Variants in NDST4 observed in about 807,000 individuals in gnomAD.
NDST4 encodes N-deacetylase and N-sulfotransferase 4.
In NDST4, 63 loss-of-function variants were observed where a neutral mutation model predicts 100.8. That is an observed-to-expected ratio of 0.62 (90% CI 0.51 to 0.77). The LOEUF (loss-of-function observed/expected upper bound fraction) is 0.77, where lower values mean the gene tolerates loss of function less well. NDST4 is among the 30% of genes least tolerant of loss of function. The pLI is 0.00. For synonymous variants in NDST4, 377 were observed against 361.8 expected (o/e 1.04, Z -0.48); for missense variants, 943 against 1,018.4 (o/e 0.93, Z 1.01).
intron 2 of NDST4, among the ~76,000 whole-genome samples, chr4:114,980,479 TA>T (rs1481407785): frequency 2.0e-5 from 3 of 151,126 alleles, no homozygotes; most frequent in Non-Finnish European, 4.4e-5. Context: ...CCTTCTCTAC[TA>T]ATAATACAAA....
intron 2 of NDST4, among the ~76,000 whole-genome samples, chr4:115,048,420 C>T (rs1728510339): frequency 6.6e-6 from 1 of 152,196 alleles, no homozygotes; most frequent in South Asian, 2.1e-4. Context: ...CCTTATTCAG[C>T]CTCTTCAAGA....
At chr4:114,848,677 T>G (rs1723609385) in intron 8 of NDST4, among the ~76,000 whole-genome samples, 1 of 152,246 alleles carries the variant, frequency 6.6e-6, no homozygotes. Flanking sequence ...CAAGGGTCCT[T>G]CTGGCTCCAT....
At chr4:114,888,710 C>T (rs1172835126) in intron 6 of NDST4, among the ~76,000 whole-genome samples, 3 of 152,082 alleles carry the variant, frequency 2.0e-5, no homozygotes, top group East Asian at 1.9e-4. Context: ...ATACTTGATA[C>T]AAATTTTATC....
chr4:115,018,111 A>G (rs1427752236), intron 2 of NDST4, among the ~76,000 whole-genome samples: 1 of 151,974 alleles, frequency 6.6e-6, no homozygotes, highest in South Asian at 2.1e-4. Flanking sequence ...TGTACCACTA[A>G]AGGCTACTGC....
chr4:115,112,295 C>T (rs959458125), intron 1 of NDST4, among the ~76,000 whole-genome samples: 1 of 151,356 alleles, frequency 6.6e-6, no homozygotes, highest in Non-Finnish European at 1.5e-5. Flanking sequence ...TCATCTTTAT[C>T]AATTTCCTCT....
At chr4:114,984,120 T>C (rs1726843805) in intron 2 of NDST4, among the ~76,000 whole-genome samples, 2 of 152,152 alleles carry the variant, frequency 1.3e-5, no homozygotes, top group South Asian at 2.1e-4. Context: ...TATGTCTTTA[T>C]AGCAGTGTGA....
chr4:114,941,502 T>A (rs1316338970), intron 4 of NDST4, among the ~76,000 whole-genome samples: 4 of 152,202 alleles, frequency 2.6e-5, no homozygotes, highest in African/African-American at 9.7e-5. Context: ...TCATTTTTTT[T>A]ATGAAAATGA....
intron 2 of NDST4, among the ~76,000 whole-genome samples, chr4:115,051,630 T>C (rs1046949131): frequency 6.6e-6 from 1 of 152,182 alleles, no homozygotes; most frequent in Non-Finnish European, 1.5e-5. Context: ...CTTCACTGTG[T>C]ATATGTAGCA....
At chr4:115,070,816 G>A (rs1169749632) in intron 2 of NDST4, among the ~76,000 whole-genome samples, 5 of 152,156 alleles carry the variant, frequency 3.3e-5, no homozygotes, top group African/African-American at 7.2e-5. Flanking sequence ...CAAAAAACTC[G>A]TATTCTGGCC....
At chr4:115,078,156 GA>G (rs555005330) in intron 1 of NDST4, among the ~76,000 whole-genome samples, 5 of 152,152 alleles carry the variant, frequency 3.3e-5, no homozygotes, top group African/African-American at 1.2e-4. Context: ...AATTTATAAA[GA>G]AAAAAAGGAT....
intron 2 of NDST4, among the ~76,000 whole-genome samples, chr4:115,066,180 T>C (rs778897028): frequency 3.9e-5 from 6 of 152,206 alleles, no homozygotes; most frequent in Admixed American, 6.5e-5. Flanking sequence ...TACATATTTG[T>C]ATGAACTCTA....
chr4:115,071,168 C>A (rs895438420), intron 2 of NDST4, among the ~76,000 whole-genome samples: 7 of 151,708 alleles, frequency 4.6e-5, no homozygotes, highest in Admixed American at 4.0e-4. Context: ...AACTCGTATT[C>A]TTTTCAATAC....
chr4:115,005,423 G>A (rs1727391380), intron 2 of NDST4, among the ~76,000 whole-genome samples: 3 of 152,176 alleles, frequency 2.0e-5, no homozygotes, highest in Admixed American at 2.0e-4. Context: ...GAGATAGTGA[G>A]CCATAGGCAT....
intron 2 of NDST4, among the ~76,000 whole-genome samples, chr4:115,007,410 C>A (rs1036814192): frequency 1.3e-5 from 2 of 152,086 alleles, no homozygotes; most frequent in South Asian, 2.1e-4. Flanking sequence ...ACAGGCTATA[C>A]GCAATTGAAA....
chr4:115,047,158 C>T (rs1728479501), intron 2 of NDST4, among the ~76,000 whole-genome samples: 1 of 152,006 alleles, frequency 6.6e-6, no homozygotes, highest in African/African-American at 2.4e-5. Context: ...TATATCACAA[C>T]ATTATCCAGA....
intron 2 of NDST4, among the ~76,000 whole-genome samples, chr4:114,998,673 T>G (rs1727217220): frequency 6.6e-6 from 1 of 152,076 alleles, no homozygotes; most frequent in African/African-American, 2.4e-5. Context: ...CTGACTATAG[T>G]TTTGCAATTA....
At chr4:114,938,541 A>G (rs1725681930) in intron 4 of NDST4, among the ~76,000 whole-genome samples, 1 of 152,210 alleles carries the variant, frequency 6.6e-6, no homozygotes, top group African/African-American at 2.4e-5. Flanking sequence ...TGAGGTTATA[A>G]ATGACAATGC....
intron 2 of NDST4, among the ~76,000 whole-genome samples, chr4:114,982,328 A>G (rs1726795866): frequency 1.3e-5 from 2 of 152,200 alleles, no homozygotes; most frequent in Non-Finnish European, 2.9e-5. Context: ...TGGACAATGA[A>G]GCCCAGGCTG....
intron 2 of NDST4, among the ~76,000 whole-genome samples, chr4:115,044,060 T>C (rs956695052): frequency 6.6e-6 from 1 of 152,242 alleles, no homozygotes; most frequent in South Asian, 2.1e-4. Context: ...ATGCATCCTG[T>C]TTAAAACCTA....
Sources: allele counts gnomAD v4.1 joint callset (sites outside exome capture counted in the v4.1 genomes callset), GRCh38; gene constraint gnomAD v4.1.1; transcripts MANE v1.5; gene names NCBI Gene and HGNC (gene_info 2026-07-23, HGNC 2026-07-21).